The following PRICKLE2 variants were observed in gnomAD, a reference collection of about 807,000 sequenced individuals.
PRICKLE2 encodes prickle planar cell polarity protein 2.
PRICKLE2 carries 21 observed loss-of-function variants against 81.4 expected under a neutral mutation model. That is an observed-to-expected ratio of 0.26 (90% CI 0.18 to 0.37). PRICKLE2 has a LOEUF of 0.37. PRICKLE2 is among the 10% of genes least tolerant of loss of function. The pLI is 1.00. For missense variants in PRICKLE2, 940 were observed against 1,109.0 expected (o/e 0.85, Z 2.16); for synonymous variants, 456 against 421.5 (o/e 1.08, Z -1.00).
Position 64,147,843 on chromosome 3 carries a change from T to C in PRICKLE2, c.788-141A>G, listed in dbSNP as rs1406142998. 8 of 875,168 alleles carry C rather than the reference T, an allele frequency of 9.1e-6. No homozygotes were observed. Among genetic ancestry groups the C allele is most frequent in the East Asian group, 5.2e-5 (2 of 38,502 alleles). The allele number at this position is 875,168 out of a possible 1,614,324, so 54.2% of individuals were successfully genotyped here. A position where few individuals can be genotyped will look rare whatever the true frequency, so the allele number is the denominator to read the frequency against. ...GTCAATAAATCAACAATCAGACCCT[T>C]ATGTAAATGGTATTCACGTCCTATT... On this transcript the variant is annotated intron_variant, in intron 6 of 7. Transcript: ENST00000638394. The surrounding 1 kb of genome is among the most constrained non-coding windows in gnomAD (Gnocchi z 5.0).
chr3:64,150,874 G>C (rs767672485), intron 6 of PRICKLE2, among the ~76,000 whole-genome samples: 1 of 152,212 alleles, frequency 6.6e-6, no homozygotes, highest in African/African-American at 2.4e-5. Context: ...GCAGAACGTG[G>C]TCCCCGATAA....
intron 2 of PRICKLE2, chr3:64,194,344 G>C (rs1055088758): frequency 6.6e-6 from 1 of 152,224 alleles, no homozygotes; most frequent in Non-Finnish European, 1.5e-5. Context: ...GCTAAATTGA[G>C]TCATCCTTTT....
intron 2 of PRICKLE2, among the ~76,000 whole-genome samples, chr3:64,192,823 G>C (rs2078369859): frequency 6.6e-6 from 1 of 152,142 alleles, no homozygotes; most frequent in African/African-American, 2.4e-5. Flanking sequence ...TTATGGTCAA[G>C]GTAAAATTAC....
Position 64,099,477 on chromosome 3 carries a change from G to C in PRICKLE2, c.2109C>G (p.Ser703Arg). 5 of 1,585,302 alleles carry C rather than the reference G, an allele frequency of 3.2e-6. No individual in the cohort carries two copies. In the South Asian group the frequency reaches 4.5e-5, roughly 14 times the overall value. ...TTAACCGGGAGATGGCCTCGCGTTC[G>C]CTGGCCAGGTGGAGGGCGTTGTCGG... ...SRSDNALHLA[S>R]EREAISRLKD... The change falls in exon 8 of 8, where the codon AGC becomes AGG. Residue 703 changes from serine to arginine, a missense_variant. This residue lies in a region of PRICKLE2 where 670 missense variants were observed against 717.2 expected (regional missense o/e 0.93). Transcript: ENST00000638394. This position sits in a 1 kb window ranked among gnomAD's most constrained non-coding sequence, Gnocchi z 4.3.
chr3:64,255,025 C>T (rs2079504894), intron 2 of PRICKLE2, among the ~76,000 whole-genome samples: 1 of 152,072 alleles, frequency 6.6e-6, no homozygotes, highest in Admixed American at 6.5e-5. Flanking sequence ...ATATACATGC[C>T]CATATGTATG....
chr3:64,174,019 T>C (rs1000628707), intron 2 of PRICKLE2, among the ~76,000 whole-genome samples: 4 of 152,128 alleles, frequency 2.6e-5, no homozygotes, highest in Non-Finnish European at 4.4e-5. Flanking sequence ...TAGTTCCCCA[T>C]GAAGAAGAAA....
intron 2 of PRICKLE2, among the ~76,000 whole-genome samples, chr3:64,186,506 T>A (rs2078235731): frequency 6.6e-6 from 1 of 152,218 alleles, no homozygotes; most frequent in Admixed American, 6.5e-5. Flanking sequence ...GCCTGATGTC[T>A]GCATGGGTCT....
At chr3:64,236,465 G>C (rs1276794034) in intron 2 of PRICKLE2, among the ~76,000 whole-genome samples, 1 of 152,178 alleles carries the variant, frequency 6.6e-6, no homozygotes, top group African/African-American at 2.4e-5. Context: ...TAGGGACACT[G>C]TCACATCTGT....
chr3:64,127,864 A>C (rs772490186), intron 7 of PRICKLE2, among the ~76,000 whole-genome samples: 2 of 151,944 alleles, frequency 1.3e-5, no homozygotes, highest in Non-Finnish European at 2.9e-5. Context: ...GGATCTCCCA[A>C]AGAGACTCAG....
intron 2 of PRICKLE2, among the ~76,000 whole-genome samples, chr3:64,262,192 C>A (rs1243740658): frequency 6.6e-6 from 1 of 152,120 alleles, no homozygotes; most frequent in African/African-American, 2.4e-5. Flanking sequence ...GTCCTCCCTC[C>A]CTCTCACCCT....
intron 2 of PRICKLE2, among the ~76,000 whole-genome samples, chr3:64,186,370 T>G (rs549094952): frequency 6.6e-6 from 1 of 152,200 alleles, no homozygotes; most frequent in Non-Finnish European, 1.5e-5. Flanking sequence ...TTGGCCAATG[T>G]TGGAAAGCAG....
chr3:64,122,552 A>G (rs1053408593), intron 7 of PRICKLE2, among the ~76,000 whole-genome samples: 2 of 152,212 alleles, frequency 1.3e-5, no homozygotes, highest in Non-Finnish European at 2.9e-5. Flanking sequence ...GTGTGAACAA[A>G]TGATCAGGTT....
At chr3:64,266,616 G>A (rs2079713420) in intron 2 of PRICKLE2, among the ~76,000 whole-genome samples, 4 of 152,164 alleles carry the variant, frequency 2.6e-5, no homozygotes, top group Admixed American at 2.6e-4. Context: ...AACAGGCTGG[G>A]AAGATTTGGC....
At chr3:64,195,795 T>C (rs1185589771) in intron 2 of PRICKLE2, among the ~76,000 whole-genome samples, 1 of 152,190 alleles carries the variant, frequency 6.6e-6, no homozygotes, top group Non-Finnish European at 1.5e-5. Flanking sequence ...ACACCATTAA[T>C]ATAGATGCAT....
intron 1 of PRICKLE2, among the ~76,000 whole-genome samples, chr3:64,219,313 C>T (rs2078915999): frequency 6.6e-6 from 1 of 152,190 alleles, no homozygotes; most frequent in South Asian, 2.1e-4. Flanking sequence ...AACTGAGGCT[C>T]AGAAAACGGA....
At chr3:64,106,660 T>C (rs1321923103) in intron 7 of PRICKLE2, among the ~76,000 whole-genome samples, 2 of 152,190 alleles carry the variant, frequency 1.3e-5, no homozygotes, top group Non-Finnish European at 2.9e-5. Flanking sequence ...AGTGTCAAAA[T>C]AATGCAAATC....
chr3:64,193,287 G>T (rs1326387010), intron 2 of PRICKLE2, among the ~76,000 whole-genome samples: 5 of 152,104 alleles, frequency 3.3e-5, no homozygotes, highest in African/African-American at 1.2e-4. Flanking sequence ...CCTTTGCACA[G>T]GATCATCTGG....
At chr3:64,223,987 C>A (rs1227659493) in intron 1 of PRICKLE2, among the ~76,000 whole-genome samples, 1 of 152,210 alleles carries the variant, frequency 6.6e-6, no homozygotes, top group Non-Finnish European at 1.5e-5. Flanking sequence ...TCTATGTCTA[C>A]ATATTCATGG....
At chr3:64,185,579 G>C (rs146448712) in intron 2 of PRICKLE2, among the ~76,000 whole-genome samples, 41 of 152,294 alleles carry the variant, frequency 2.7e-4, no homozygotes, top group South Asian at 6.2e-4. Context: ...TCTGGATGTT[G>C]ATGAGTTTCT....
Sources: allele counts gnomAD v4.1 joint callset (sites outside exome capture counted in the v4.1 genomes callset), GRCh38; gene constraint gnomAD v4.1.1; regional missense constraint gnomAD v4.1.1; non-coding constraint Gnocchi (gnomAD v3.1); transcripts MANE v1.5; gene names NCBI Gene and HGNC (gene_info 2026-07-23, HGNC 2026-07-21).